The following SMIM17 variants were observed in gnomAD, a reference collection of about 807,000 sequenced individuals.
SMIM17 encodes the protein small integral membrane protein 17.
Under a neutral mutation model 12.2 loss-of-function variants are expected in SMIM17, and 10 were observed. The ratio of observed to expected loss-of-function variants is 0.82; its 90% CI spans 0.50 to 1.39. The LOEUF is 1.39. Ranked by LOEUF, SMIM17 falls within the 40% of genes most tolerant of loss-of-function variation. The probability of loss-of-function intolerance (pLI) is 0.00; values close to 1 mark genes in which losing one functional copy is unlikely to be tolerated. For synonymous variants in SMIM17, 50 were observed against 44.1 expected, an observed-to-expected ratio of 1.13 and a Z score of -0.53; for missense variants, 136 against 118.2, an observed-to-expected ratio of 1.15 and a Z score of -0.70.
At chr19:56,654,816 G>A (rs563944873) in intron 3 of SMIM17, among the ~76,000 whole-genome samples, 6 of 152,288 alleles carry the variant, frequency 3.9e-5, no homozygotes, top group Admixed American at 3.9e-4. Flanking sequence ...TATCTCTTGA[G>A]GGGGTGGGGT....
chr19:56,650,157 A>AT (rs1206618846), intron 3 of SMIM17, among the ~76,000 whole-genome samples: 4 of 152,128 alleles, frequency 2.6e-5, no homozygotes, highest in Non-Finnish European at 5.9e-5. Flanking sequence ...TACAAGCTTC[A>AT]TGCTATTCTT....
intron 3 of SMIM17, among the ~76,000 whole-genome samples, chr19:56,648,292 T>A (rs527841895): frequency 1.1e-4 from 16 of 148,728 alleles, no homozygotes; most frequent in Admixed American, 1.1e-3. Context: ...TTCATTCATC[T>A]ACCCATTGAA....
intron 1 of SMIM17, among the ~76,000 whole-genome samples, chr19:56,644,161 C>A (rs1488142959): frequency 6.6e-6 from 1 of 151,928 alleles, no homozygotes; most frequent in African/African-American, 2.4e-5. Flanking sequence ...TCATGCCTTC[C>A]CCTCCCCTCA....
At chr19:56,646,656 G>A (rs917102330) in intron 2 of SMIM17, among the ~76,000 whole-genome samples, 1 of 152,166 alleles carries the variant, frequency 6.6e-6, no homozygotes, top group Admixed American at 6.5e-5. Flanking sequence ...AAGGTGGGAG[G>A]CCAGTTAGGA....
At position 56,645,565 on chromosome 19, in the gene SMIM17, C is replaced by A; in HGVS notation, c.-100-3C>A. ...ATTCACTGAATGATGAAATGTCCAT[C>A]AGTCCTCAGGTTCTGAATCTTGTGC... On this transcript the variant is annotated splice_region_variant and splice_polypyrimidine_tract_variant and intron_variant, in intron 1 of 3. Coordinates refer to ENST00000598409, the MANE Select transcript of SMIM17 (RefSeq NM_001193628.2). 9.2e-7 allele frequency: 1 copy of A among 1,084,614 alleles called. No individual in the cohort carries two copies. Among genetic ancestry groups the A allele is most frequent in the Non-Finnish European group, 1.3e-6 (1 of 797,198 alleles). 67.2% of individuals were successfully genotyped at this position (1,084,614 alleles called of 1,614,324 possible). A position where few individuals can be genotyped will look rare whatever the true frequency, so the allele number is the denominator to read the frequency against.
chr19:56,654,925 T>C (rs973731081), intron 3 of SMIM17, among the ~76,000 whole-genome samples, 178 bp from the exon 4 acceptor site: 23 of 152,304 alleles, frequency 1.5e-4, no homozygotes, highest in African/African-American at 5.1e-4. Context: ...TGAGAGAGCA[T>C]AGTTATGTTA....
In SMIM17 at chr19:56,651,851, C is replaced by T. The variant is rs146649186; in HGVS notation, c.247-3252C>T. 2.8e-3 allele frequency among the ~76,000 whole-genome samples: 428 copies of T among 152,074 alleles called. 1 individual carries two copies. Among genetic ancestry groups the T allele is most frequent in the South Asian group, 0.011 (54 of 4,814 alleles). On this transcript the variant is annotated intron_variant, in intron 3 of 3. Coordinates refer to ENST00000598409, the MANE Select transcript of SMIM17 (RefSeq NM_001193628.2). Reference sequence around the variant, plus strand: ...GGGCACAGTGGCTCACGTCTATAATCGCAGCACTTTGGGAGGCAGAGTCAG... The same window carrying T: ...GGGCACAGTGGCTCACGTCTATAATTGCAGCACTTTGGGAGGCAGAGTCAG...
chr19:56,646,809 A>G (rs1281333072), intron 2 of SMIM17, among the ~76,000 whole-genome samples: 1 of 152,174 alleles, frequency 6.6e-6, no homozygotes. Flanking sequence ...GTTTTGGCCC[A>G]AACAGATGGA....
intron 2 of SMIM17, among the ~76,000 whole-genome samples, chr19:56,646,328 A>G (rs2045062778): frequency 1.3e-5 from 2 of 152,048 alleles, no homozygotes; most frequent in Admixed American, 1.3e-4. Flanking sequence ...AAAACACATG[A>G]TCTCATTTGC....
chr19:56,654,260 C>T (rs907958350), intron 3 of SMIM17, among the ~76,000 whole-genome samples: 3 of 152,114 alleles, frequency 2.0e-5, no homozygotes, highest in African/African-American at 7.2e-5. Flanking sequence ...ATGCATAGTG[C>T]AGGGTTAAGG....
chr19:56,645,239 G>A (rs2045053908), intron 1 of SMIM17, among the ~76,000 whole-genome samples: 1 of 151,784 alleles, frequency 6.6e-6, no homozygotes, highest in African/African-American at 2.4e-5. Flanking sequence ...TAGTGTGTGT[G>A]TATGTGACTG....
chr19:56,648,244 C>T (rs1025229059), intron 3 of SMIM17, among the ~76,000 whole-genome samples: 2 of 151,166 alleles, frequency 1.3e-5, no homozygotes, highest in African/African-American at 4.9e-5. Context: ...TAAACCCTCC[C>T]TTCCACCCAC....
intron 2 of SMIM17, 28 bp downstream of exon 2, chr19:56,645,864 G>T (rs746804619): frequency 1.3e-6 from 2 of 1,510,882 alleles, no homozygotes; most frequent in South Asian, 2.5e-5. Flanking sequence ...TTTGGGAGGT[G>T]AGTGGGTGGA....
chr19:56,645,561 C>A lies in SMIM17; in HGVS notation c.-100-7C>A. 1 of 1,030,770 alleles carries A rather than the reference C, an allele frequency of 9.7e-7. No homozygotes were observed. Among genetic ancestry groups the A allele is most frequent in the Non-Finnish European group, 1.3e-6 (1 of 748,840 alleles). 63.9% of individuals were successfully genotyped at this position (1,030,770 alleles called of 1,614,324 possible). On this transcript the variant is annotated splice_region_variant and splice_polypyrimidine_tract_variant and intron_variant, in intron 1 of 3. Coordinates refer to ENST00000598409, the MANE Select transcript of SMIM17 (RefSeq NM_001193628.2). ...AATGATTCACTGAATGATGAAATGT[C>A]CATCAGTCCTCAGGTTCTGAATCTT...
chr19:56,645,086 G>A (rs1424427913), intron 1 of SMIM17, among the ~76,000 whole-genome samples: 3 of 152,134 alleles, frequency 2.0e-5, no homozygotes, highest in Non-Finnish European at 4.4e-5. Context: ...ATCATGTGTG[G>A]CTGTAGGTGT....
chr19:56,644,129 C>T (rs900749219), intron 1 of SMIM17, among the ~76,000 whole-genome samples: 1 of 152,104 alleles, frequency 6.6e-6, no homozygotes, highest in African/African-American at 2.4e-5. Flanking sequence ...TGTCACCCCG[C>T]TTGCCTGCAT....
At chr19:56,648,063 ATCC>A (rs2045078761) in intron 3 of SMIM17, among the ~76,000 whole-genome samples, 2 of 96,822 alleles carry the variant, frequency 2.1e-5, no homozygotes, top group Non-Finnish European at 4.4e-5. Context: ...CCATCCATCC[ATCC>A]ATCCATCCAT....
In SMIM17 at chr19:56,655,156, G is replaced by A. The variant is rs1431349936; in HGVS notation, c.300G>A (p.Val100=). The A allele has an allele frequency of 2.8e-6, 2 of 702,700 alleles. No individual in the cohort carries two copies. The highest frequency in any genetic ancestry group is 4.0e-5 in the Admixed American group (2 of 49,998). 43.5% of individuals were successfully genotyped at this position (702,700 alleles called of 1,614,324 possible). A position where few individuals can be genotyped will look rare whatever the true frequency, so the allele number is the denominator to read the frequency against. Reference sequence around the variant, plus strand: ...AACAAACAACCATAGTCTTGGTAGTGTGCGTGCTTTTTTTGTTCCTGGTTT... The same window carrying A: ...AACAAACAACCATAGTCTTGGTAGTATGCGTGCTTTTTTTGTTCCTGGTTT... ...APQQTTIVLV[V]CVLFLFLVLT... Residue 100 remains valine (V), a synonymous_variant, in exon 4 of 4, where the codon GTG becomes GTA. Coordinates refer to ENST00000598409, the MANE Select transcript of SMIM17 (RefSeq NM_001193628.2).
At chr19:56,643,795 G>A (rs2045042201) in intron 1 of SMIM17, among the ~76,000 whole-genome samples, 1 of 152,216 alleles carries the variant, frequency 6.6e-6, no homozygotes, top group Non-Finnish European at 1.5e-5. Context: ...AGTATCTGTA[G>A]CGAGAAGTAT....
Sources: gnomAD v4.1 joint callset for allele counts (sites outside exome capture counted in the v4.1 genomes callset) on GRCh38, gnomAD v4.1.1 for gene constraint, MANE v1.5 for transcripts, NCBI Gene and HGNC (gene_info 2026-07-23, HGNC 2026-07-21) for gene names.